Variants in TRPM7 observed in about 807,000 individuals in gnomAD.
The protein encoded by TRPM7 is transient receptor potential cation channel subfamily M member 7.
TRPM7 carries 134 observed loss-of-function variants against 229.7 expected under a neutral mutation model. The observed-to-expected ratio is 0.58, with a 90% confidence interval of 0.51 to 0.67. TRPM7 has a LOEUF of 0.67. Ranked by LOEUF, TRPM7 falls within the 30% of genes least tolerant of loss-of-function variation. The probability of loss-of-function intolerance (pLI) is 0.00; values close to 1 mark genes in which losing one functional copy is unlikely to be tolerated. For synonymous variants in TRPM7, 699 were observed against 715.2 expected (o/e 0.98, Z 0.36); for missense variants, 1,901 against 2,210.0 (o/e 0.86, Z 2.80).
At chr15:50,611,345 T>C in intron 16 of TRPM7, 24 bp from the exon 17 acceptor site, 1 of 1,581,086 alleles carries the variant, frequency 6.3e-7, no homozygotes, top group South Asian at 1.1e-5. Context: ...AAAGCCAAAA[T>C]ATACTCAGAT....
chr15:50,565,741 T>C (rs144922382), intron 38 of TRPM7, among the ~76,000 whole-genome samples: 1 of 151,942 alleles, frequency 6.6e-6, no homozygotes, highest in Non-Finnish European at 1.5e-5. Context: ...CTTTAATTAA[T>C]ATTTACAGAA....
chr15:50,669,472 G>T (rs1477287061), intron 1 of TRPM7, among the ~76,000 whole-genome samples: 1 of 152,058 alleles, frequency 6.6e-6, no homozygotes, highest in African/African-American at 2.4e-5. Context: ...GCTGGGCTCG[G>T]TTTTAAAAGT....
At chr15:50,679,466 T>C (rs1427663174) in intron 1 of TRPM7, among the ~76,000 whole-genome samples, 3 of 139,988 alleles carry the variant, frequency 2.1e-5, no homozygotes, top group East Asian at 2.0e-4. Flanking sequence ...CTACAGGTTT[T>C]ATTTCATTTA....
chr15:50,584,738 T>C (rs1448126891), intron 28 of TRPM7, among the ~76,000 whole-genome samples: 2 of 152,148 alleles, frequency 1.3e-5, no homozygotes, highest in African/African-American at 4.8e-5. Context: ...TCAAAAATTT[T>C]GGATTTAGGA....
chr15:50,574,632 T>A lies in TRPM7; in HGVS notation c.5102+5A>T. 1 of 1,607,348 alleles carries A rather than the reference T, an allele frequency of 6.2e-7. No individual in the cohort carries two copies. ...AAAGATCCCAGAAAAAAATTAAAGA[T>A]TTACCTTGGAGAATATGGTATGGAT... On this transcript the variant is annotated splice_donor_5th_base_variant and intron_variant, in intron 35 of 38. Coordinates refer to ENST00000646667, the MANE Select transcript of TRPM7 (RefSeq NM_017672.6).
chr15:50,586,613 A>G (rs1480690592), intron 27 of TRPM7, 125 bp from the exon 28 acceptor site: 10 of 608,032 alleles, frequency 1.6e-5, no homozygotes, highest in African/African-American at 9.3e-5. Flanking sequence ...CTGGACACCA[A>G]TGGGTGTATT....
At chr15:50,657,865 T>G in intron 2 of TRPM7, 46 bp from the exon 3 acceptor site, 1 of 1,532,784 alleles carries the variant, frequency 6.5e-7, no homozygotes, top group African/African-American at 1.4e-5. Context: ...GTGAAAAACT[T>G]TCTGATTTTA....
Position 50,586,507 on chromosome 15 carries a change from C to T in TRPM7, c.4390-19G>A. On this transcript the variant is annotated intron_variant, in intron 27 of 38. Transcript: ENST00000646667. ...TGTTATTCTGCAAATATTGTGCAGA[C>T]ATATAATTTGAAAATAATTGAACTA... 1 of 1,516,434 alleles carries T rather than the reference C, an allele frequency of 6.6e-7. No homozygotes were observed. Among genetic ancestry groups the T allele is most frequent in the Non-Finnish European group, 9.1e-7 (1 of 1,094,050 alleles). The allele number at this position is 1,516,434 out of a possible 1,614,324, so 93.9% of individuals were successfully genotyped here. A position where few individuals can be genotyped will look rare whatever the true frequency, so the allele number is the denominator to read the frequency against.
intron 1 of TRPM7, among the ~76,000 whole-genome samples, chr15:50,665,911 T>C (rs796785928): frequency 3.3e-5 from 5 of 152,202 alleles, no homozygotes; most frequent in African/African-American, 9.6e-5. Context: ...GAGAACTGCT[T>C]GAACGTGGAA....
chr15:50,605,366 T>C (rs2059893527), intron 20 of TRPM7, among the ~76,000 whole-genome samples: 1 of 152,176 alleles, frequency 6.6e-6, no homozygotes, highest in East Asian at 1.9e-4. Context: ...TTCATCCAAC[T>C]AAGAAGCTGA....
intron 22 of TRPM7, among the ~76,000 whole-genome samples, chr15:50,597,038 T>TCATATGAC (rs1480618148): frequency 6.6e-6 from 1 of 152,176 alleles, no homozygotes. Context: ...ATGACTCAAC[T>TCATATGAC]TTAAGAGTAT....
intron 3 of TRPM7, among the ~76,000 whole-genome samples, chr15:50,650,602 G>C (rs532936828): frequency 6.6e-6 from 1 of 152,244 alleles, no homozygotes; most frequent in African/African-American, 2.4e-5. Flanking sequence ...GGCTGAGGCA[G>C]GAGAATCGCT....
At chr15:50,582,150 A>C (rs1449011599) in intron 29 of TRPM7, among the ~76,000 whole-genome samples, 2 of 152,088 alleles carry the variant, frequency 1.3e-5, no homozygotes, top group Non-Finnish European at 2.9e-5. Flanking sequence ...TAGTAGAGAC[A>C]GGGTTTTGTC....
chr15:50,606,789 G>A (rs1013611032), intron 20 of TRPM7, among the ~76,000 whole-genome samples: 48 of 152,120 alleles, frequency 3.2e-4, no homozygotes, highest in African/African-American at 1.1e-3. Context: ...GTGAGCCACC[G>A]CGCCTGGCCT....
At chr15:50,620,339 C>T (rs547359266) in intron 12 of TRPM7, among the ~76,000 whole-genome samples, 7 of 148,688 alleles carry the variant, frequency 4.7e-5, no homozygotes, top group African/African-American at 1.7e-4. Context: ...CATCAGCTAT[C>T]GTTAGTGTTA....
intron 30 of TRPM7, among the ~76,000 whole-genome samples, chr15:50,580,319 T>A (rs531323807): frequency 1.3e-5 from 2 of 152,308 alleles, no homozygotes; most frequent in African/African-American, 4.8e-5. Flanking sequence ...ATGTCTAATA[T>A]GTACTAAAAA....
At chr15:50,581,436 T>C (rs576536781) in intron 29 of TRPM7, among the ~76,000 whole-genome samples, 31 of 151,846 alleles carry the variant, frequency 2.0e-4, no homozygotes, top group Non-Finnish European at 3.5e-4. Context: ...GAGGTGGAGG[T>C]TGCAGTGAGC....
chr15:50,597,836 T>C (rs1049402075), intron 22 of TRPM7, among the ~76,000 whole-genome samples: 2 of 151,978 alleles, frequency 1.3e-5, no homozygotes, highest in South Asian at 2.1e-4. Flanking sequence ...TGGGAATCAC[T>C]TGAACCTGGA....
At chr15:50,584,616 G>GTT (rs78772652) in intron 28 of TRPM7, among the ~76,000 whole-genome samples, 193 of 133,906 alleles carry the variant, frequency 1.4e-3, no homozygotes, top group African/African-American at 3.1e-3. Context: ...TCAGATTTCT[G>GTT]TTTTTTTTTT....
Sources: allele counts gnomAD v4.1 joint callset (sites outside exome capture counted in the v4.1 genomes callset), GRCh38; gene constraint gnomAD v4.1.1; transcripts MANE v1.5; gene names NCBI Gene and HGNC (gene_info 2026-07-23, HGNC 2026-07-21).